The following CADM2 variants were observed in gnomAD, a reference collection of about 807,000 sequenced individuals.
The protein encoded by CADM2 is cell adhesion molecule 2, also known as immunoglobulin superfamily member 4D.
Under a neutral mutation model 49.8 loss-of-function variants are expected in CADM2, and 12 were observed. The observed-to-expected ratio is 0.24, with a 90% CI of 0.15 to 0.39. The LOEUF is 0.39. Among genes scored for constraint, CADM2 ranks in the 10% least tolerant of loss-of-function variants. CADM2 has a pLI of 1.00. For synonymous variants in CADM2, 214 were observed against 175.4 expected (o/e 1.22, Z -1.74); for missense variants, 378 against 492.3 (o/e 0.77, Z 2.20).
At chr3:85,550,050 C>T (rs563226092) in intron 1 of CADM2, among the ~76,000 whole-genome samples, 15 of 152,248 alleles carry the variant, frequency 9.9e-5, no homozygotes, top group South Asian at 6.2e-4. Flanking sequence ...ATAATCCCAA[C>T]ACTCTTAGGA....
intron 1 of CADM2, among the ~76,000 whole-genome samples, chr3:85,515,409 G>C (rs1476929268): frequency 3.4e-5 from 3 of 89,148 alleles, no homozygotes; most frequent in African/African-American, 3.3e-5. Flanking sequence ...CTTTTCTTTT[G>C]TTTGTTTGTT....
intron 8 of CADM2, among the ~76,000 whole-genome samples, chr3:86,000,676 A>G (rs1730069608): frequency 6.6e-6 from 1 of 150,668 alleles, no homozygotes; most frequent in Non-Finnish European, 1.5e-5. Flanking sequence ...TCCTGAGTGG[A>G]ACAGAAAGAA....
chr3:85,731,753 T>A (rs2067939646), intron 2 of CADM2, among the ~76,000 whole-genome samples: 1 of 151,846 alleles, frequency 6.6e-6, no homozygotes, highest in South Asian at 2.1e-4. Context: ...ACAAAGTACA[T>A]AAATGATATT....
intron 3 of CADM2, among the ~76,000 whole-genome samples, chr3:85,814,665 C>T (rs1418113215): frequency 6.6e-6 from 1 of 151,964 alleles, no homozygotes; most frequent in East Asian, 1.9e-4. Context: ...CAAATAGACA[C>T]AATAAAAAAT....
At chr3:85,654,362 A>G (rs1445565628) in intron 1 of CADM2, among the ~76,000 whole-genome samples, 4 of 152,314 alleles carry the variant, frequency 2.6e-5, no homozygotes, top group Non-Finnish European at 1.5e-5. Flanking sequence ...ACTAGTGCAC[A>G]GGAGGAACAC....
intron 5 of CADM2, among the ~76,000 whole-genome samples, chr3:85,898,734 T>C (rs1715623370): frequency 6.6e-6 from 1 of 151,552 alleles, no homozygotes; most frequent in African/African-American, 2.4e-5. Context: ...TTCAGGTTGT[T>C]TATAGTTTGC....
intron 3 of CADM2, among the ~76,000 whole-genome samples, chr3:85,874,872 A>G (rs1711588278): frequency 6.6e-6 from 1 of 152,106 alleles, no homozygotes; most frequent in Non-Finnish European, 1.5e-5. Flanking sequence ...TTTTGTAGTT[A>G]ATTAATTTTG....
At chr3:85,272,533 A>G (rs898562178) in intron 1 of CADM2, among the ~76,000 whole-genome samples, 4 of 151,410 alleles carry the variant, frequency 2.6e-5, no homozygotes, top group African/African-American at 7.3e-5. Context: ...AGAAAATAAT[A>G]GAAGAATGAT....
intron 1 of CADM2, among the ~76,000 whole-genome samples, chr3:85,109,615 A>T (rs2038377031): frequency 6.6e-6 from 1 of 151,994 alleles, no homozygotes. Context: ...TCTTCTTGTT[A>T]TGAGGGAAAA....
intron 3 of CADM2, among the ~76,000 whole-genome samples, chr3:85,812,877 A>G (rs1054752679): frequency 1.7e-4 from 26 of 151,664 alleles, no homozygotes; most frequent in Admixed American, 5.3e-4. Context: ...AACAATATGA[A>G]CTCATCCTTC....
intron 1 of CADM2, among the ~76,000 whole-genome samples, chr3:85,423,114 G>A (rs760633827): frequency 2.0e-5 from 3 of 152,058 alleles, no homozygotes; most frequent in Non-Finnish European, 2.9e-5. Flanking sequence ...ATCTTCCCCC[G>A]GAGTTCGGCC....
In CADM2 at chr3:85,918,126, C is replaced by T. The variant is rs555519419; in HGVS notation, c.700+5583C>T. Among the ~76,000 whole-genome samples the T allele has an allele frequency of 5.9e-5, 9 of 152,288 alleles. 1 individual carries two copies. The highest frequency in any genetic ancestry group is 2.2e-4 in the African/African-American group (9 of 41,554). Reference sequence around the variant, plus strand: ...AGGGACAATTTGACTTCCTCTTTTCCTAATTGAATGCCCTTTATTCACTTC... The same window carrying T: ...AGGGACAATTTGACTTCCTCTTTTCTTAATTGAATGCCCTTTATTCACTTC... On this transcript the variant is annotated intron_variant, in intron 6 of 9. Coordinates refer to ENST00000383699, the MANE Select transcript of CADM2 (RefSeq NM_001167675.2).
chr3:84,993,834 T>C (rs2107187340), intron 1 of CADM2, among the ~76,000 whole-genome samples: 1 of 152,172 alleles, frequency 6.6e-6, no homozygotes, highest in Non-Finnish European at 1.5e-5. Flanking sequence ...TGACAATAAA[T>C]ACTAATGTTG....
chr3:85,044,513 T>G (rs1236553106), intron 1 of CADM2, among the ~76,000 whole-genome samples: 1 of 152,212 alleles, frequency 6.6e-6, no homozygotes, highest in Non-Finnish European at 1.5e-5. Context: ...TAGCTGGGGT[T>G]GGTGTACCAA....
chr3:85,912,227 T>G, intron 5 of CADM2, 146 bp from the exon 6 acceptor site: 3 of 584,382 alleles, frequency 5.1e-6, no homozygotes, highest in Non-Finnish European at 8.9e-6. Context: ...TTAATTGAAT[T>G]GAAATAGATT....
chr3:85,769,753 C>G (rs187325826), intron 2 of CADM2, among the ~76,000 whole-genome samples: 15 of 150,234 alleles, frequency 1.0e-4, no homozygotes, highest in African/African-American at 3.7e-4. Flanking sequence ...TCCTCTACTT[C>G]ATTTTAACAG....
intron 1 of CADM2, among the ~76,000 whole-genome samples, chr3:85,292,644 A>G (rs868444827): frequency 8.1e-4 from 122 of 151,240 alleles, no homozygotes; most frequent in African/African-American, 2.9e-3. Context: ...CTCACTCAAA[A>G]CCGCTCAACT....
chr3:85,844,470 A>C (rs2074789402), intron 3 of CADM2, among the ~76,000 whole-genome samples: 1 of 152,140 alleles, frequency 6.6e-6, no homozygotes, highest in African/African-American at 2.4e-5. Flanking sequence ...CACAATATAT[A>C]CCCCTAAAAT....
intron 1 of CADM2, among the ~76,000 whole-genome samples, chr3:85,389,018 G>A (rs919963073): frequency 1.3e-5 from 2 of 152,042 alleles, no homozygotes; most frequent in African/African-American, 4.8e-5. Flanking sequence ...AGAGAGCTAG[G>A]GTTTCCAGGA....
Sources: gnomAD v4.1 joint callset for allele counts (sites outside exome capture counted in the v4.1 genomes callset) on GRCh38, gnomAD v4.1.1 for gene constraint, MANE v1.5 for transcripts, NCBI Gene and HGNC (gene_info 2026-07-23, HGNC 2026-07-21) for gene names.